The following EPC1 variants were observed in gnomAD, a reference collection of about 807,000 sequenced individuals.
The protein encoded by EPC1 is enhancer of polycomb homolog 1.
In EPC1, 12 loss-of-function variants were observed where a neutral mutation model predicts 98.4. That is an observed-to-expected ratio of 0.12 (90% confidence interval 0.08 to 0.20). EPC1 has a LOEUF of 0.20. Among genes scored for constraint, EPC1 ranks in the 10% least tolerant of loss-of-function variants. EPC1 has a pLI of 1.00. For missense variants in EPC1, 729 were observed against 990.5 expected, an observed-to-expected ratio of 0.74 and a Z score of 3.54; for synonymous variants, 357 against 363.9, an observed-to-expected ratio of 0.98 and a Z score of 0.21.
chr10:32,367,038 C>A (rs1839622307), intron 1 of EPC1, among the ~76,000 whole-genome samples: 1 of 152,154 alleles, frequency 6.6e-6, no homozygotes, highest in Admixed American at 6.5e-5. Flanking sequence ...CTCTGTTGTC[C>A]AGGCTTGAGT....
At position 32,287,227 on chromosome 10, in the gene EPC1, C is replaced by T. The variant is rs138857080; in HGVS notation, c.1023G>A (p.Lys341=). The T allele has an allele frequency of 2.3e-5, 37 of 1,614,030 alleles. No individual in the cohort carries two copies. The African/African-American group carries it at 4.9e-4, about 22-fold the overall frequency. The change falls in exon 7 of 14, where the codon AAG becomes AAA. Residue 341 remains lysine, a synonymous_variant. Coordinates refer to ENST00000319778, the MANE Select transcript of EPC1 (RefSeq NM_001272004.3). ...CGGCAGACGATGGTAAGACTTTGGG[C>T]TTCTTTTCATATTTCCGTTTCGGTC... ...LIRPKRKYEK[K]PKVLPSSAAA...
At chr10:32,345,369 A>G in intron 1 of EPC1, 1 of 985,450 alleles carries the variant, frequency 1.0e-6, no homozygotes, top group Non-Finnish European at 1.2e-6. Flanking sequence ...AAGGTTAAAC[A>G]ACCCAAAGAG....
At chr10:32,308,104 C>G (rs960865495) in intron 1 of EPC1, among the ~76,000 whole-genome samples, 1 of 152,084 alleles carries the variant, frequency 6.6e-6, no homozygotes, top group Non-Finnish European at 1.5e-5. Context: ...ATGCCAATGT[C>G]GGCTGGACGT....
upstream of EPC1, among the ~76,000 whole-genome samples, chr10:32,351,811 AC>A (rs1839118426): frequency 7.0e-6 from 1 of 142,410 alleles, no homozygotes; most frequent in African/African-American, 2.6e-5. Context: ...GCTCACTGCA[AC>A]CTCCACCTCC....
At chr10:32,333,514 G>A (rs1372033623) in intron 1 of EPC1, among the ~76,000 whole-genome samples, 3 of 152,244 alleles carry the variant, frequency 2.0e-5, no homozygotes, top group Admixed American at 2.0e-4. Context: ...AGGACTTGAT[G>A]GTTTAGAAAA....
chr10:32,280,111 C>A (rs1041231), intron 10 of EPC1, among the ~76,000 whole-genome samples: 1 of 151,986 alleles, frequency 6.6e-6, no homozygotes, highest in Non-Finnish European at 1.5e-5. Flanking sequence ...GTAGTTGAAA[C>A]AGACTATAAA....
intron 1 of EPC1, among the ~76,000 whole-genome samples, chr10:32,319,890 G>T (rs1193731815): frequency 1.3e-5 from 2 of 152,072 alleles, no homozygotes; most frequent in East Asian, 3.9e-4. Context: ...TTTTGGCCAG[G>T]CTGGTCTCGA....
chr10:32,332,854 G>A (rs1197707781), intron 1 of EPC1, among the ~76,000 whole-genome samples: 1 of 152,204 alleles, frequency 6.6e-6, no homozygotes, highest in Non-Finnish European at 1.5e-5. Context: ...ATGTTGGATT[G>A]GCTTTGGAAA....
rs1434256924 is a variant in EPC1 at position 32,291,240 on chromosome 10, G to A, written c.898C>T (p.Pro300Ser). Reference sequence around the variant, plus strand: ...CTGCTATTAGTAATAGGGATGATGGGGATGGCATAAGTAGGTTTCATTGGC... The same window carrying A: ...CTGCTATTAGTAATAGGGATGATGGAGATGGCATAAGTAGGTTTCATTGGC... ...RQPMKPTYAI[P>S]IIPITNSSQF... Residue 300 changes from proline to serine, a missense_variant, in exon 6 of 14, where the codon CCC becomes TCC. Physicochemically the swap from Pro to Ser is moderately conservative, Grantham distance 74. Around this residue, in one of 6 missense-constraint regions of EPC1, gnomAD observed 390 missense variants for 438.6 expected, o/e 0.89. Transcript: ENST00000319778. 1.9e-6 allele frequency: 3 copies of A among 1,613,788 alleles called. No individual in the cohort carries two copies. The highest frequency in any genetic ancestry group is 4.5e-5 in the East Asian group (2 of 44,866).
At chr10:32,318,114 T>A (rs1382079483) in intron 1 of EPC1, among the ~76,000 whole-genome samples, 2 of 152,192 alleles carry the variant, frequency 1.3e-5, no homozygotes, top group East Asian at 3.9e-4. Context: ...TGTGACAATG[T>A]AAGCGGGAAG....
At chr10:32,276,146 C>A (rs1250118709) in intron 10 of EPC1, among the ~76,000 whole-genome samples, 2 of 152,190 alleles carry the variant, frequency 1.3e-5, no homozygotes, top group Non-Finnish European at 2.9e-5. Flanking sequence ...CATTCTTAGT[C>A]CTCAGCTCTA....
intron 1 of EPC1, among the ~76,000 whole-genome samples, chr10:32,319,768 C>T (rs1592592537): frequency 6.6e-6 from 1 of 152,302 alleles, no homozygotes; most frequent in Admixed American, 6.5e-5. Flanking sequence ...CCCCCACCTC[C>T]TGGGTTCAAG....
At chr10:32,293,237 C>T (rs1834952520) in intron 3 of EPC1, 43 bp from the exon 4 acceptor site, 7 of 1,406,874 alleles carry the variant, frequency 5.0e-6, no homozygotes, top group Non-Finnish European at 7.0e-6. Flanking sequence ...AATACACATA[C>T]AAGGTTCATA....
chr10:32,291,498 A>G, intron 5 of EPC1, 176 bp from the exon 6 acceptor site: 1 of 516,446 alleles, frequency 1.9e-6, no homozygotes, highest in Non-Finnish European at 3.3e-6. Context: ...ATCTACTCTT[A>G]GCAAATTTCA....
upstream of EPC1, among the ~76,000 whole-genome samples, chr10:32,348,588 C>CT (rs1839006359): frequency 1.3e-5 from 2 of 152,306 alleles, no homozygotes; most frequent in South Asian, 4.1e-4. Context: ...CAAAATTATA[C>CT]TTAAACTCCG....
intron 2 of EPC1, among the ~76,000 whole-genome samples, chr10:32,298,055 C>T (rs1162812996): frequency 2.6e-5 from 4 of 152,132 alleles, no homozygotes; most frequent in Non-Finnish European, 1.5e-5. Flanking sequence ...CCTCGGCCTC[C>T]CAAAGGGCTG....
chr10:32,354,850 T>C (rs922035919), intron 1 of EPC1, among the ~76,000 whole-genome samples: 4 of 152,034 alleles, frequency 2.6e-5, no homozygotes, highest in Non-Finnish European at 5.9e-5. Context: ...GAGCTGCACA[T>C]TGAGGGATCT....
At chr10:32,304,086 T>A (rs1359855776) in intron 2 of EPC1, among the ~76,000 whole-genome samples, 2 of 152,234 alleles carry the variant, frequency 1.3e-5, no homozygotes, top group Non-Finnish European at 2.9e-5. Flanking sequence ...TGCTGTCATT[T>A]ATTAATATTT....
chr10:32,332,936 T>G (rs2132979620), intron 1 of EPC1, among the ~76,000 whole-genome samples: 1 of 152,304 alleles, frequency 6.6e-6, no homozygotes, highest in East Asian at 1.9e-4. Context: ...TTCATAAGGC[T>G]ACAAGGAGAA....
Sources: gnomAD v4.1 joint callset for allele counts (sites outside exome capture counted in the v4.1 genomes callset) on GRCh38, gnomAD v4.1.1 for gene constraint, gnomAD v4.1.1 regional missense constraint, MANE v1.5 for transcripts, NCBI Gene and HGNC (gene_info 2026-07-23, HGNC 2026-07-21) for gene names.